Variants in TMEM87B observed in about 807,000 individuals in gnomAD.
The protein encoded by TMEM87B is transmembrane protein 87B.
A neutral mutation model predicts 80.3 loss-of-function variants in TMEM87B; 83 were observed. The observed-to-expected ratio is 1.03, with a 90% confidence interval of 0.87 to 1.24. TMEM87B has a LOEUF of 1.24. Ranked by LOEUF, TMEM87B falls within the 50% of genes most tolerant of loss-of-function variation. The probability of loss-of-function intolerance (pLI) is 0.00; values close to 1 mark genes in which losing one functional copy is unlikely to be tolerated. For synonymous variants in TMEM87B, 219 were observed against 230.5 expected, an observed-to-expected ratio of 0.95 and a Z score of 0.45; for missense variants, 625 against 674.4, an observed-to-expected ratio of 0.93 and a Z score of 0.81.
At position 112,067,081 on chromosome 2, in the gene TMEM87B, T is replaced by C. The variant is rs747600500; in HGVS notation, c.450+14T>C. The C allele has an allele frequency of 9.3e-6, 15 of 1,605,934 alleles. No individual in the cohort carries two copies. Among genetic ancestry groups the C allele is most frequent in the Non-Finnish European group, 1.2e-5 (14 of 1,178,018 alleles). ...CCCTCTTTGAATGTGAGTATCTGAC[T>C]TGCCATGTTAAAGTTTATTTTATTC... is the stretch of plus-strand genomic sequence containing the variant. On this transcript the variant is annotated intron_variant, in intron 4 of 18. Transcript: ENST00000283206.
rs1005811034 is a variant in TMEM87B at position 112,089,659 on chromosome 2, G to A, written c.973G>A (p.Gly325Arg). Residue 325 changes from glycine to arginine, a missense_variant, in exon 10 of 19, where the codon GGA (glycine) becomes AGA (arginine). Gly to Arg is a moderately radical substitution (Grantham distance 125). Coordinates refer to ENST00000283206, the MANE Select transcript of TMEM87B (RefSeq NM_032824.3). The part of the protein sequence containing the change: ...RLGTVMHRVI[G>R]LGLLYLIFAA... ...AGGAACAGTCATGCACCGGGTGATC[G>A]GACTGGGGCTTCTATACTTAATCTT... 5.0e-6 allele frequency: 8 copies of A among 1,614,006 alleles called. No individual in the cohort carries two copies. Among genetic ancestry groups the A allele is most frequent in the Non-Finnish European group, 5.1e-6 (6 of 1,180,006 alleles).
Position 112,064,218 on chromosome 2 carries a change from T to G in TMEM87B, c.283T>G (p.Tyr95Asp). ...VKFTIVWHLK[Y>D]HTCHNEHSNL... Reference sequence around the variant, plus strand: ...GTTTACCATAGTGTGGCATTTGAAGTATCATACCTGTCACAATGAGCATTC... The same window carrying G: ...GTTTACCATAGTGTGGCATTTGAAGGATCATACCTGTCACAATGAGCATTC... The change falls in exon 3 of 19, where the codon TAT (tyrosine) becomes GAT (aspartate). Residue 95 changes from tyrosine (Y) to aspartate (D), a missense_variant. Tyr to Asp is a radical substitution (Grantham distance 160, BLOSUM62 -3). Coordinates refer to ENST00000283206, the MANE Select transcript of TMEM87B (RefSeq NM_032824.3). 2 of 1,613,832 alleles carry G rather than the reference T, an allele frequency of 1.2e-6. No individual in the cohort carries two copies. Among genetic ancestry groups the G allele is most frequent in the Non-Finnish European group, 1.7e-6 (2 of 1,179,884 alleles).
rs957419975 is a variant in TMEM87B, at chr2:112,116,820, T to C, written c.*677T>C. 2.0e-5 allele frequency: 3 copies of C among 152,490 alleles called. No homozygotes were observed. Among genetic ancestry groups the C allele is most frequent in the Non-Finnish European group, 4.4e-5 (3 of 68,032 alleles). 9.4% of individuals were successfully genotyped at this position (152,490 alleles called of 1,614,324 possible). ...CACAAGTGCACAGAGAGAGATGTCT[T>C]GAGGGTCACTACCAAAGAATTACCC... On this transcript the variant is annotated 3_prime_UTR_variant, in exon 19 of 19. Coordinates refer to ENST00000283206, the MANE Select transcript of TMEM87B (RefSeq NM_032824.3).
At chr2:112,107,940 G>A (rs7562848) in intron 17 of TMEM87B, 100 bp downstream of exon 17, 2 of 669,280 alleles carry the variant, frequency 3.0e-6, no homozygotes, top group Non-Finnish European at 5.0e-6. Context: ...CCTCGTACTT[G>A]CATGTACTTG....
intron 16 of TMEM87B, among the ~76,000 whole-genome samples, chr2:112,106,568 ATT>A (rs200445112): frequency 1.4e-5 from 2 of 146,278 alleles, no homozygotes; most frequent in African/African-American, 2.5e-5. Flanking sequence ...AAATTAACAG[ATT>A]TTTTTTTTTT....
chr2:112,081,181 G>T, intron 7 of TMEM87B, 63 bp downstream of exon 7: 1 of 1,519,258 alleles, frequency 6.6e-7, no homozygotes, highest in South Asian at 1.1e-5. Flanking sequence ...AGAGCTTTGT[G>T]GTAGTAATTC....
chr2:112,069,328 C>G (rs181493400), intron 4 of TMEM87B, among the ~76,000 whole-genome samples: 1 of 152,092 alleles, frequency 6.6e-6, no homozygotes, highest in Non-Finnish European at 1.5e-5. Flanking sequence ...CAGCCTTCAC[C>G]CTTAAGTAGG....
chr2:112,097,034 C>A lies in TMEM87B; in HGVS notation c.1105-10C>A. 1 of 1,525,464 alleles carries A rather than the reference C, an allele frequency of 6.6e-7. No individual in the cohort carries two copies. The highest frequency in any genetic ancestry group is 8.9e-7 in the Non-Finnish European group (1 of 1,122,240). The allele number at this position is 1,525,464 out of a possible 1,614,324, so 94.5% of individuals were successfully genotyped here. ...TATTACTTGGAATGTTTTTCCTTAA[C>A]TTTTTTCACATTTTTATTAGTTTGG... is the stretch of plus-strand genomic sequence containing the variant. On this transcript the variant is annotated splice_polypyrimidine_tract_variant and intron_variant, in intron 11 of 18. Coordinates refer to ENST00000283206, the MANE Select transcript of TMEM87B (RefSeq NM_032824.3).
intron 14 of TMEM87B, among the ~76,000 whole-genome samples, chr2:112,099,180 T>G (rs1055250781): frequency 1.3e-5 from 2 of 152,204 alleles, no homozygotes; most frequent in African/African-American, 2.4e-5. Flanking sequence ...TCAGCTTCCT[T>G]GCTTTATCCC....
rs1680021520 is a variant in TMEM87B, at chr2:112,116,261, G to A, written c.*118G>A. The A allele has an allele frequency of 8.3e-6, 7 of 844,516 alleles. No individual in the cohort carries two copies. In the East Asian group the frequency reaches 1.6e-4, roughly 20 times the overall value. 52.3% of individuals were successfully genotyped at this position (844,516 alleles called of 1,614,324 possible). ...TTATTGTGTTATCTTGGAAGTCTGTGTATCAAAATGAAGAATTCAGATGGT... is the reference window on the plus strand; with the variant it reads ...TTATTGTGTTATCTTGGAAGTCTGTATATCAAAATGAAGAATTCAGATGGT... On this transcript the variant is annotated 3_prime_UTR_variant, in exon 19 of 19. Coordinates refer to ENST00000283206, the MANE Select transcript of TMEM87B (RefSeq NM_032824.3).
rs376063787 is a variant in TMEM87B, at chr2:112,086,112, C to G, written c.938+8C>G. 5 of 1,611,896 alleles carry G rather than the reference C, an allele frequency of 3.1e-6. No homozygotes were observed. In the African/African-American group the frequency reaches 6.7e-5, roughly 22 times the overall value. Reference sequence around the variant, plus strand: ...GGGCTATGGCATTGTGAAGTAAGTACTGGCGTGTGGGAAAAATGCTGGGTC... The same window carrying G: ...GGGCTATGGCATTGTGAAGTAAGTAGTGGCGTGTGGGAAAAATGCTGGGTC... On this transcript the variant is annotated splice_region_variant and intron_variant, in intron 9 of 18. Transcript: ENST00000283206.
Position 112,055,597 on chromosome 2 carries a change from C to T in TMEM87B, c.6C>T (p.Val2=), listed in dbSNP as rs1333579041. M[V]AACRSVAGLL... ...GGTGCAGCTTCCTGGTCAAGATGGTCGCCGCCTGCCGCTCGGTAGCCGGGC... is the reference window on the plus strand; with the variant it reads ...GGTGCAGCTTCCTGGTCAAGATGGTTGCCGCCTGCCGCTCGGTAGCCGGGC... The change falls in exon 1 of 19, where the codon GTC becomes GTT. Residue 2 remains valine, a synonymous_variant. Coordinates refer to ENST00000283206, the MANE Select transcript of TMEM87B (RefSeq NM_032824.3). The T allele has an allele frequency of 1.1e-5, 17 of 1,520,462 alleles. No individual in the cohort carries two copies. The East Asian group carries it at 4.2e-4, about 38-fold the overall frequency. 94.2% of individuals were successfully genotyped at this position (1,520,462 alleles called of 1,614,324 possible). A position where few individuals can be genotyped will look rare whatever the true frequency, so the allele number is the denominator to read the frequency against.
intron 11 of TMEM87B, among the ~76,000 whole-genome samples, chr2:112,093,177 A>G (rs1439037121): frequency 2.0e-5 from 3 of 152,202 alleles, no homozygotes; most frequent in Non-Finnish European, 4.4e-5. Context: ...AGCACTCCTC[A>G]TAGGCTTTTC....
chr2:112,086,219 GA>G, intron 9 of TMEM87B, 115 bp downstream of exon 9: 1 of 695,656 alleles, frequency 1.4e-6, no homozygotes, highest in East Asian at 3.0e-5. Flanking sequence ...ATCCCTTTGG[GA>G]AAAATCTACA....
chr2:112,089,196 C>T (rs1346820319), intron 9 of TMEM87B, among the ~76,000 whole-genome samples: 3 of 152,134 alleles, frequency 2.0e-5, no homozygotes, highest in Non-Finnish European at 4.4e-5. Context: ...CTTCCTCTGC[C>T]CAAGTCATGA....
intron 15 of TMEM87B, among the ~76,000 whole-genome samples, chr2:112,103,976 C>A (rs1442387196): frequency 6.6e-6 from 1 of 151,956 alleles, no homozygotes; most frequent in African/African-American, 2.4e-5. Flanking sequence ...GACAAAGGCA[C>A]CAAGGCTTAC....
intron 10 of TMEM87B, among the ~76,000 whole-genome samples, chr2:112,089,934 G>T (rs1313256589): frequency 6.6e-6 from 1 of 152,172 alleles, no homozygotes; most frequent in African/African-American, 2.4e-5. Flanking sequence ...CGAAGGCACC[G>T]CTTGATATCA....
At chr2:112,097,819 A>G (rs563856741) in intron 13 of TMEM87B, among the ~76,000 whole-genome samples, 2 of 143,682 alleles carry the variant, frequency 1.4e-5, no homozygotes, top group East Asian at 4.1e-4. Flanking sequence ...AGTTTTTTTT[A>G]TATATTTTGA....
intron 1 of TMEM87B, among the ~76,000 whole-genome samples, chr2:112,058,456 T>G (rs1456077389): frequency 1.3e-4 from 20 of 152,240 alleles, no homozygotes; most frequent in Admixed American, 1.3e-3. Flanking sequence ...TGGCTTCAGC[T>G]TACTCTGCAT....
Sources: allele counts gnomAD v4.1 joint callset (sites outside exome capture counted in the v4.1 genomes callset), GRCh38; gene constraint gnomAD v4.1.1; transcripts MANE v1.5; gene names NCBI Gene and HGNC (gene_info 2026-07-23, HGNC 2026-07-21).